SNAP47: variants seen among roughly 807,000 people sequenced by gnomAD.
The protein encoded by SNAP47 is synaptosomal-associated protein 47.
SNAP47 carries 20 observed loss-of-function variants against 31.4 expected under a neutral mutation model. That is an observed-to-expected ratio of 0.64 (90% CI 0.45 to 0.93). SNAP47 has a LOEUF of 0.93. Ranked by LOEUF, SNAP47 falls within the 40% of genes least tolerant of loss-of-function variation. The pLI is 0.00. For missense variants in SNAP47, 492 were observed against 528.5 expected (o/e 0.93, Z 0.68); for synonymous variants, 194 against 213.4 (o/e 0.91, Z 0.79).
At chr1:227,744,848 G>A (rs1036123386) in intron 1 of SNAP47, among the ~76,000 whole-genome samples, 2 of 152,198 alleles carry the variant, frequency 1.3e-5, no homozygotes, top group Non-Finnish European at 2.9e-5. Context: ...CAAGCACCTG[G>A]GAGCGCCCTG....
upstream of SNAP47, chr1:227,735,328 G>C (rs761341083): frequency 1.6e-5 from 25 of 1,600,606 alleles, no homozygotes; most frequent in Middle Eastern, 1.6e-4. Context: ...GAGCGGAAAC[G>C]GTGAGGACCA....
intron 4 of SNAP47, among the ~76,000 whole-genome samples, chr1:227,777,850 G>A (rs769229057): frequency 2.6e-5 from 4 of 152,174 alleles, no homozygotes; most frequent in Non-Finnish European, 5.9e-5. Context: ...GACTTCTGGC[G>A]GTGACCCGGG....
chr1:227,779,975 C>G (rs2103008798), intron 4 of SNAP47, among the ~76,000 whole-genome samples: 1 of 152,326 alleles, frequency 6.6e-6, no homozygotes, highest in Non-Finnish European at 1.5e-5. Context: ...TGGAGAGTTT[C>G]ATTCTGTCAT....
chr1:227,744,510 G>A (rs1661827278), intron 1 of SNAP47, among the ~76,000 whole-genome samples: 1 of 152,052 alleles, frequency 6.6e-6, no homozygotes, highest in Non-Finnish European at 1.5e-5. Context: ...CCTTACTTTT[G>A]TATATATTGA....
At chr1:227,735,812 G>A (rs1661099628) in intron 1 of SNAP47, 1 of 786,616 alleles carries the variant, frequency 1.3e-6, no homozygotes, top group African/African-American at 1.9e-5. Context: ...AGATGGTGGG[G>A]ACCTGGAGAG....
At chr1:227,742,928 C>T (rs1226602133) in intron 1 of SNAP47, among the ~76,000 whole-genome samples, 3 of 152,226 alleles carry the variant, frequency 2.0e-5, no homozygotes, top group African/African-American at 7.2e-5. Flanking sequence ...AGAACGGCAT[C>T]ATGGGTCCTG....
chr1:227,743,097 C>T (rs1278056416), intron 1 of SNAP47, among the ~76,000 whole-genome samples: 1 of 152,150 alleles, frequency 6.6e-6, no homozygotes, highest in Non-Finnish European at 1.5e-5. Context: ...TCTGTGTCTC[C>T]TGAGGGGCCA....
At chr1:227,729,607 G>C (rs1394821127) in intron 1 of SNAP47, among the ~76,000 whole-genome samples, 1 of 152,140 alleles carries the variant, frequency 6.6e-6, no homozygotes, top group Non-Finnish European at 1.5e-5. Context: ...CCAAGGAGCT[G>C]CCCCTTCGGC....
chr1:227,735,210 C>G, upstream of SNAP47: 2 of 1,586,582 alleles, frequency 1.3e-6, no homozygotes, highest in Middle Eastern at 1.7e-4. Flanking sequence ...TGGCCGACGC[C>G]GGGGACATCG....
chr1:227,778,307 A>G (rs1664274661), intron 4 of SNAP47, among the ~76,000 whole-genome samples: 1 of 152,260 alleles, frequency 6.6e-6, no homozygotes, highest in South Asian at 2.1e-4. Context: ...TGGAGAGGGC[A>G]GAGCTGATGC....
chr1:227,758,420 A>G (rs1662825132), intron 2 of SNAP47, among the ~76,000 whole-genome samples: 1 of 152,242 alleles, frequency 6.6e-6, no homozygotes, highest in Admixed American at 6.5e-5. Context: ...GACAGGGTGC[A>G]GAGTGTACTC....
At position 227,747,996 on chromosome 1, in the gene SNAP47, G is replaced by A. The variant is rs746939605; in HGVS notation, c.260G>A (p.Arg87Gln). ...TGGTTCAGCTCCCTGCGGCCAAGTC[G>A]AAATGTGGTCTTCAGCATCATCGAG... The part of the protein sequence containing the change: ...KHWFSSLRPS[R>Q]NVVFSIIEHF... Residue 87 changes from arginine (R) to glutamine (Q), a missense_variant, in exon 2 of 5, where the codon CGA becomes CAA. By Grantham distance (43) the Arg-to-Gln change is conservative (BLOSUM62 1). Coordinates refer to ENST00000617596, the MANE Select transcript of SNAP47 (RefSeq NM_053052.4). 67 of 1,614,116 alleles carry A rather than the reference G, an allele frequency of 4.2e-5. No individual in the cohort carries two copies. Among genetic ancestry groups the A allele is most frequent in the East Asian group, 3.3e-4 (15 of 44,894 alleles).
At chr1:227,761,318 C>T (rs1663047735) in intron 3 of SNAP47, among the ~76,000 whole-genome samples, 1 of 152,276 alleles carries the variant, frequency 6.6e-6, no homozygotes, top group East Asian at 1.9e-4. Context: ...GATTGAGTCC[C>T]ATGAGCCCCA....
At chr1:227,761,909 G>T (rs1175761044) in intron 3 of SNAP47, among the ~76,000 whole-genome samples, 1 of 152,208 alleles carries the variant, frequency 6.6e-6, no homozygotes, top group African/African-American at 2.4e-5. Flanking sequence ...TGCAATCTGT[G>T]CCGTTTGAGG....
chr1:227,730,671 T>A (rs1190651602), upstream of SNAP47: 1 of 152,238 alleles, frequency 6.6e-6, no homozygotes, highest in Non-Finnish European at 1.5e-5. Flanking sequence ...GTCTGTGCAC[T>A]GCCTCCTGAC....
intron 2 of SNAP47, among the ~76,000 whole-genome samples, chr1:227,748,547 CTG>C (rs1662132808): frequency 6.6e-6 from 1 of 152,256 alleles, no homozygotes; most frequent in African/African-American, 2.4e-5. Context: ...CAAGCAGAGA[CTG>C]TGCTGTGACC....
rs753410063 is a variant in SNAP47, at chr1:227,747,796, G to T, written c.60G>T (p.Arg20Ser). The change falls in exon 2 of 5, where the codon AGG becomes AGT. Residue 20 changes from arginine to serine, a missense_variant. By Grantham distance (110) the Arg-to-Ser change is moderately radical. Transcript: ENST00000617596. ...GCACCTACTACCTGGAGCCCAAGAG[G>T]CGATGGGTTACTGGACAGCTGTCCT... ...WPCTYYLEPK[R>S]RWVTGQLSLT... 5.0e-6 allele frequency: 8 copies of T among 1,614,054 alleles called. No individual in the cohort carries two copies. Among genetic ancestry groups the T allele is most frequent in the Non-Finnish European group, 6.8e-6 (8 of 1,180,032 alleles).
At chr1:227,731,922 G>A (rs573613279), upstream of SNAP47, 6 of 171,598 alleles carry the variant, frequency 3.5e-5, no homozygotes, top group South Asian at 8.8e-4. Context: ...AGGTGATGGA[G>A]GCCAACCCCA....
chr1:227,735,430 T>C, upstream of SNAP47: 1 of 1,530,096 alleles, frequency 6.5e-7, no homozygotes, highest in Non-Finnish European at 8.7e-7. Context: ...CTCGCCGCGG[T>C]CTTCACTGCG....
Sources: allele counts gnomAD v4.1 joint callset (sites outside exome capture counted in the v4.1 genomes callset), GRCh38; gene constraint gnomAD v4.1.1; transcripts MANE v1.5; gene names NCBI Gene and HGNC (gene_info 2026-07-23, HGNC 2026-07-21).